GPATCH2: variants seen among roughly 807,000 people sequenced by gnomAD.
The protein encoded by GPATCH2 is G patch domain-containing protein 2.
Under a neutral mutation model 58.0 loss-of-function variants are expected in GPATCH2, and 51 were observed. That is an observed-to-expected ratio of 0.88 (90% CI 0.70 to 1.11). GPATCH2 has a LOEUF of 1.11. Among genes scored for constraint, GPATCH2 ranks in the 50% most tolerant of loss-of-function variants. GPATCH2 has a pLI of 0.00. For missense variants in GPATCH2, 625 were observed against 652.2 expected (o/e 0.96, Z 0.45); for synonymous variants, 222 against 218.5 (o/e 1.02, Z -0.14).
intron 1 of GPATCH2, among the ~76,000 whole-genome samples, chr1:217,625,965 CAG>C (rs1434916455): frequency 6.6e-6 from 1 of 152,020 alleles, no homozygotes; most frequent in Admixed American, 6.5e-5. Flanking sequence ...GTTTGGATGA[CAG>C]AGAGACTCTG....
chr1:217,626,834 T>C (rs1412882319), intron 1 of GPATCH2, among the ~76,000 whole-genome samples: 2 of 152,066 alleles, frequency 1.3e-5, no homozygotes, highest in Non-Finnish European at 2.9e-5. Flanking sequence ...GACTCACCTA[T>C]TTAAATTATT....
chr1:217,587,028 C>T (rs1667372591), intron 5 of GPATCH2, among the ~76,000 whole-genome samples: 1 of 152,082 alleles, frequency 6.6e-6, no homozygotes, highest in Admixed American at 6.6e-5. Flanking sequence ...TAACTAAGAG[C>T]CTTGGAACTA....
chr1:217,630,089 T>C (rs1182853685), intron 1 of GPATCH2, among the ~76,000 whole-genome samples: 1 of 152,130 alleles, frequency 6.6e-6, no homozygotes, highest in Non-Finnish European at 1.5e-5. Context: ...TTGTCTTATG[T>C]TATGTTTGGA....
chr1:217,538,501 G>A (rs999978076), intron 5 of GPATCH2, among the ~76,000 whole-genome samples: 2 of 152,066 alleles, frequency 1.3e-5, no homozygotes, highest in Non-Finnish European at 2.9e-5. Context: ...GATTTTATGG[G>A]GAAAATAATA....
intron 8 of GPATCH2, among the ~76,000 whole-genome samples, chr1:217,478,226 A>C (rs1267465393): frequency 1.3e-5 from 2 of 152,136 alleles, no homozygotes; most frequent in Non-Finnish European, 2.9e-5. Flanking sequence ...TAAACACCTA[A>C]TTCTTCACTG....
At chr1:217,545,653 A>T (rs1665002795) in intron 5 of GPATCH2, among the ~76,000 whole-genome samples, 1 of 152,172 alleles carries the variant, frequency 6.6e-6, no homozygotes, top group South Asian at 2.1e-4. Flanking sequence ...TAGACTATGT[A>T]ATTGTTTTTC....
chr1:217,536,434 T>G (rs994418698), intron 5 of GPATCH2, among the ~76,000 whole-genome samples: 1 of 152,222 alleles, frequency 6.6e-6, no homozygotes, highest in African/African-American at 2.4e-5. Flanking sequence ...TTTTGCTTCT[T>G]ATTTTATTTT....
intron 8 of GPATCH2, among the ~76,000 whole-genome samples, chr1:217,462,300 A>G (rs1161998996): frequency 6.6e-6 from 1 of 152,206 alleles, no homozygotes; most frequent in Non-Finnish European, 1.5e-5. Flanking sequence ...CCTATGTTTT[A>G]TAAACTTCAG....
At chr1:217,629,208 A>G (rs957606345) in intron 1 of GPATCH2, among the ~76,000 whole-genome samples, 6 of 135,146 alleles carry the variant, frequency 4.4e-5, no homozygotes, top group African/African-American at 1.5e-4. Flanking sequence ...GAAATCTGGA[A>G]TTTTTACATT....
intron 2 of GPATCH2, among the ~76,000 whole-genome samples, chr1:217,618,352 C>T (rs1004603784): frequency 1.7e-4 from 26 of 151,250 alleles, no homozygotes; most frequent in African/African-American, 2.7e-4. Context: ...TGGGACTCGG[C>T]GCACATCACC....
At chr1:217,602,882 T>C (rs1017737769) in intron 5 of GPATCH2, among the ~76,000 whole-genome samples, 8 of 152,184 alleles carry the variant, frequency 5.3e-5, no homozygotes, top group African/African-American at 1.9e-4. Flanking sequence ...AGGCATTTTG[T>C]GACCAAGAAA....
intron 8 of GPATCH2, among the ~76,000 whole-genome samples, chr1:217,489,355 C>T (rs1294498993): frequency 6.6e-6 from 1 of 152,004 alleles, no homozygotes; most frequent in Non-Finnish European, 1.5e-5. Context: ...AGATATTTTA[C>T]CAATGAATAC....
At chr1:217,453,008 T>A (rs1659743459) in intron 8 of GPATCH2, among the ~76,000 whole-genome samples, 1 of 152,216 alleles carries the variant, frequency 6.6e-6, no homozygotes, top group African/African-American at 2.4e-5. Flanking sequence ...GTGGAGTTGC[T>A]ACAAATGACA....
chr1:217,577,463 A>C (rs1243194167), intron 5 of GPATCH2, among the ~76,000 whole-genome samples: 1 of 152,202 alleles, frequency 6.6e-6, no homozygotes, highest in African/African-American at 2.4e-5. Context: ...AAACTGAGAT[A>C]GAGTATCCAA....
intron 5 of GPATCH2, among the ~76,000 whole-genome samples, chr1:217,571,950 G>GAGGAAGGA (rs36025374): frequency 3.3e-4 from 46 of 137,472 alleles, no homozygotes; most frequent in East Asian, 2.0e-3. Context: ...AAAGAAAAGG[G>GAGGAAGGA]AGGAAGGAAG....
intron 8 of GPATCH2, among the ~76,000 whole-genome samples, chr1:217,469,385 A>G (rs1660618575): frequency 6.6e-6 from 1 of 152,198 alleles, no homozygotes. Flanking sequence ...GATCAGAAGT[A>G]TATGAAATAA....
At chr1:217,563,456 G>C (rs1411777181) in intron 5 of GPATCH2, among the ~76,000 whole-genome samples, 1 of 152,040 alleles carries the variant, frequency 6.6e-6, no homozygotes, top group Non-Finnish European at 1.5e-5. Flanking sequence ...ATGATAGTGA[G>C]ACAGAAAAAA....
intron 9 of GPATCH2, among the ~76,000 whole-genome samples, chr1:217,439,641 G>T (rs1659038221): frequency 6.6e-6 from 1 of 151,964 alleles, no homozygotes; most frequent in South Asian, 2.1e-4. Context: ...GAAGAAAAGA[G>T]AAAAGAATCA....
chr1:217,617,503 T>C (rs1381585078), intron 2 of GPATCH2, among the ~76,000 whole-genome samples: 3 of 152,110 alleles, frequency 2.0e-5, no homozygotes, highest in East Asian at 1.9e-4. Context: ...GAGTAAATTG[T>C]AGTTAATCAT....
Sources: allele counts gnomAD v4.1 joint callset (sites outside exome capture counted in the v4.1 genomes callset), GRCh38; gene constraint gnomAD v4.1.1; transcripts MANE v1.5; gene names NCBI Gene and HGNC (gene_info 2026-07-23, HGNC 2026-07-21).